Variants in TENM3 observed in about 807,000 individuals in gnomAD.
TENM3 encodes teneurin-3.
A neutral mutation model predicts 255.1 loss-of-function variants in TENM3; 63 were observed. The observed-to-expected ratio is 0.25, with a 90% CI of 0.20 to 0.30. TENM3 has a LOEUF of 0.30. Among genes scored for constraint, TENM3 ranks in the 10% least tolerant of loss-of-function variants. The pLI is 1.00. For synonymous variants in TENM3, 1,306 were observed against 1,322.3 expected (o/e 0.99, Z 0.27); for missense variants, 2,929 against 3,461.1 (o/e 0.85, Z 3.86).
the TENM3 span, among the ~76,000 whole-genome samples, chr4:181,484,799 G>A: frequency 1.8e-3 from 275 of 152,104 alleles, no homozygotes; most frequent in African/African-American, 6.4e-3. Context: ...AGGGAAAGAG[G>A]CGGTAATGAA....
At chr4:181,527,022 C>T in the TENM3 span, among the ~76,000 whole-genome samples, 5 of 152,120 alleles carry the variant, frequency 3.3e-5, no homozygotes, top group African/African-American at 9.7e-5. Context: ...GTGACTTAGC[C>T]CTGGGTCCTT....
the TENM3 span, among the ~76,000 whole-genome samples, chr4:181,715,745 C>T: frequency 6.6e-6 from 1 of 152,166 alleles, no homozygotes; most frequent in African/African-American, 2.4e-5. Flanking sequence ...AAAATGTACC[C>T]ACAAATTTCC....
At chr4:182,349,527 G>A (rs1449464547) in intron 3 of TENM3, among the ~76,000 whole-genome samples, 1 of 152,052 alleles carries the variant, frequency 6.6e-6, no homozygotes, top group African/African-American at 2.4e-5. Flanking sequence ...ATAGCACTGA[G>A]GATTTTTTTC....
At chr4:182,630,415 C>A (rs149909846) in intron 5 of TENM3, among the ~76,000 whole-genome samples, 2 of 152,186 alleles carry the variant, frequency 1.3e-5, no homozygotes, top group East Asian at 3.9e-4. Flanking sequence ...AAGTGTGCTG[C>A]TAAAGAATTT....
chr4:182,510,602 A>G (rs1291788941), intron 3 of TENM3, among the ~76,000 whole-genome samples: 3 of 152,206 alleles, frequency 2.0e-5, no homozygotes, highest in Admixed American at 6.5e-5. Context: ...GAATCTTACA[A>G]TCAATGACAT....
At chr4:182,412,755 C>T (rs189593762) in intron 3 of TENM3, among the ~76,000 whole-genome samples, 43 of 151,658 alleles carry the variant, frequency 2.8e-4, no homozygotes, top group African/African-American at 9.7e-4. Flanking sequence ...GTCGCAGCTA[C>T]TCGGGAAGCT....
the TENM3 span, among the ~76,000 whole-genome samples, chr4:181,631,296 GT>G: frequency 1.3e-3 from 191 of 144,292 alleles, no homozygotes; most frequent in South Asian, 4.8e-3. Context: ...GTTCTTTTTT[GT>G]TTTTTTTTTT....
intron 3 of TENM3, among the ~76,000 whole-genome samples, chr4:182,553,654 A>T (rs939129120): frequency 6.6e-6 from 1 of 152,132 alleles, no homozygotes; most frequent in African/African-American, 2.4e-5. Flanking sequence ...ATTGCTAGGG[A>T]CGATGTCTAC....
the TENM3 span, among the ~76,000 whole-genome samples, chr4:182,064,508 G>A: frequency 5.3e-4 from 81 of 152,146 alleles, no homozygotes; most frequent in African/African-American, 1.8e-3. Flanking sequence ...GCGTGAACCC[G>A]GGAGGCGGAG....
the TENM3 span, among the ~76,000 whole-genome samples, chr4:181,685,921 A>T: frequency 6.6e-6 from 1 of 152,160 alleles, no homozygotes; most frequent in Admixed American, 6.6e-5. Flanking sequence ...GTAACTTTTC[A>T]AATATTGTTC....
At chr4:181,653,329 G>A in the TENM3 span, among the ~76,000 whole-genome samples, 1 of 152,206 alleles carries the variant, frequency 6.6e-6, no homozygotes, top group African/African-American at 2.4e-5. Context: ...AAGGTAGAAG[G>A]AGCTGCTGAT....
At chr4:181,451,461 A>G in the TENM3 span, among the ~76,000 whole-genome samples, 1 of 152,212 alleles carries the variant, frequency 6.6e-6, no homozygotes, top group Non-Finnish European at 1.5e-5. Context: ...TCAGATTTCT[A>G]TTAAAAATCA....
upstream of TENM3, among the ~76,000 whole-genome samples, chr4:182,243,200 C>T (rs1757393048): frequency 2.0e-5 from 3 of 152,126 alleles, no homozygotes; most frequent in South Asian, 6.2e-4. Context: ...TTGAGACTTC[C>T]ACCTCCCGGG....
chr4:181,495,982 T>G, the TENM3 span, among the ~76,000 whole-genome samples: 1 of 148,902 alleles, frequency 6.7e-6, no homozygotes, highest in African/African-American at 2.5e-5. Flanking sequence ...CATTTGGAGA[T>G]AAAATATCCC....
chr4:182,623,581 C>A (rs117125887), intron 4 of TENM3, among the ~76,000 whole-genome samples: 1 of 152,038 alleles, frequency 6.6e-6, no homozygotes, highest in Non-Finnish European at 1.5e-5. Context: ...CCACCCGCTG[C>A]GGCCTTCCAA....
chr4:182,079,010 A>G, the TENM3 span, among the ~76,000 whole-genome samples: 1 of 152,186 alleles, frequency 6.6e-6, no homozygotes, highest in African/African-American at 2.4e-5. Context: ...CACAATTTCC[A>G]TTAGTGATAA....
At chr4:181,685,314 A>G in the TENM3 span, among the ~76,000 whole-genome samples, 1 of 152,154 alleles carries the variant, frequency 6.6e-6, no homozygotes, top group Non-Finnish European at 1.5e-5. Context: ...TTCAAGTGAA[A>G]CTGAAGATTT....
chr4:181,944,047 T>A, the TENM3 span, among the ~76,000 whole-genome samples: 1 of 152,154 alleles, frequency 6.6e-6, no homozygotes, highest in South Asian at 2.1e-4. Context: ...GTACAAGTCC[T>A]TTTTGTCTCT....
chr4:181,495,340 G>T, the TENM3 span, among the ~76,000 whole-genome samples: 1 of 152,134 alleles, frequency 6.6e-6, no homozygotes, highest in Non-Finnish European at 1.5e-5. Flanking sequence ...CAACGTTCTG[G>T]AGGGTTTTAA....
Sources: gnomAD v4.1 joint callset for allele counts (sites outside exome capture counted in the v4.1 genomes callset) on GRCh38, gnomAD v4.1.1 for gene constraint, MANE v1.5 for transcripts, NCBI Gene and HGNC (gene_info 2026-07-23, HGNC 2026-07-21) for gene names.